Variants in PPP2R5A observed in about 807,000 individuals in gnomAD.
PPP2R5A encodes the protein protein phosphatase 2 regulatory subunit B'alpha, also known as serine/threonine-protein phosphatase 2A 56 kDa regulatory subunit alpha isoform.
A neutral mutation model predicts 64.2 loss-of-function variants in PPP2R5A; 25 were observed. That is an observed-to-expected ratio of 0.39 (90% CI 0.28 to 0.54). The LOEUF is 0.54. PPP2R5A is among the 20% of genes least tolerant of loss of function. The probability of loss-of-function intolerance (pLI) is 0.67; values close to 1 mark genes in which losing one functional copy is unlikely to be tolerated. For synonymous variants in PPP2R5A, 198 were observed against 201.2 expected, an observed-to-expected ratio of 0.98 and a Z score of 0.13; for missense variants, 425 against 576.3, an observed-to-expected ratio of 0.74 and a Z score of 2.69.
Position 212,329,299 on chromosome 1 carries a change from G to A in PPP2R5A, c.346G>A (p.Val116Ile). The stretch of plus-strand genomic sequence containing the variant: ...TGTTTCAACTAATCGTGGTGTAATT[G>A]TTGAATCAGCGTATTCTGATATAGT... ...EYVSTNRGVI[V>I]ESAYSDIVKM... Residue 116 changes from valine (V) to isoleucine (I), a missense_variant, in exon 2 of 13, where the codon GTT (valine) becomes ATT (isoleucine). Transcript: ENST00000261461. The A allele has an allele frequency of 6.2e-7, 1 of 1,606,620 alleles. No individual in the cohort carries two copies. Among genetic ancestry groups the A allele is most frequent in the Middle Eastern group, 1.7e-4 (1 of 5,960 alleles).
chr1:212,309,943 G>A (rs1038855168), intron 1 of PPP2R5A, among the ~76,000 whole-genome samples: 1 of 152,162 alleles, frequency 6.6e-6, no homozygotes, highest in African/African-American at 2.4e-5. Flanking sequence ...GCAACTCTTG[G>A]TACCAACCTT....
At chr1:212,294,343 G>T (rs1054165848) in intron 1 of PPP2R5A, among the ~76,000 whole-genome samples, 3 of 152,092 alleles carry the variant, frequency 2.0e-5, no homozygotes, top group African/African-American at 7.2e-5. Flanking sequence ...TAGCAAAACT[G>T]GGTAGATTTT....
intron 1 of PPP2R5A, among the ~76,000 whole-genome samples, chr1:212,311,677 G>A (rs1172346929): frequency 6.6e-6 from 1 of 152,090 alleles, no homozygotes; most frequent in African/African-American, 2.4e-5. Context: ...ATGAGACAGT[G>A]ACGTAGATGA....
chr1:212,323,832 G>A (rs1659358301), intron 1 of PPP2R5A, among the ~76,000 whole-genome samples: 1 of 152,252 alleles, frequency 6.6e-6, no homozygotes, highest in South Asian at 2.1e-4. Context: ...CCAGCACTTT[G>A]GGAGGCCGAG....
At chr1:212,320,191 T>C (rs1659244024) in intron 1 of PPP2R5A, among the ~76,000 whole-genome samples, 1 of 152,010 alleles carries the variant, frequency 6.6e-6, no homozygotes, top group Admixed American at 6.6e-5. Flanking sequence ...ACAAATCACA[T>C]CTTGCACCAC....
chr1:212,345,711 A>G, intron 4 of PPP2R5A, 92 bp from the exon 5 acceptor site: 1 of 1,395,944 alleles, frequency 7.2e-7, no homozygotes, highest in Non-Finnish European at 9.7e-7. Context: ...AAAATTTTTA[A>G]AAGATGTCAT....
chr1:212,345,512 G>C (rs1325566718), intron 4 of PPP2R5A, among the ~76,000 whole-genome samples: 1 of 152,100 alleles, frequency 6.6e-6, no homozygotes, highest in Non-Finnish European at 1.5e-5. Flanking sequence ...AGCCTCTTTA[G>C]TATTCAAGAG....
intron 1 of PPP2R5A, among the ~76,000 whole-genome samples, chr1:212,289,858 T>A (rs1658569677): frequency 6.6e-6 from 1 of 152,220 alleles, no homozygotes; most frequent in Non-Finnish European, 1.5e-5. Context: ...CAGATATGAT[T>A]TATGTGATCT....
At chr1:212,324,344 A>G (rs1659369688) in intron 1 of PPP2R5A, among the ~76,000 whole-genome samples, 1 of 152,190 alleles carries the variant, frequency 6.6e-6, no homozygotes, top group South Asian at 2.1e-4. Flanking sequence ...ATAGGTTTAT[A>G]TGGGACCACC....
chr1:212,352,484 A>G (rs1422190690), intron 8 of PPP2R5A, among the ~76,000 whole-genome samples: 1 of 150,572 alleles, frequency 6.6e-6, no homozygotes, highest in Non-Finnish European at 1.5e-5. Flanking sequence ...GGATCTCACC[A>G]CATCACCCAG....
rs1050114287 is a variant in PPP2R5A, at chr1:212,361,321, C to A, written c.*551C>A. 2.6e-5 allele frequency: 4 copies of A among 152,574 alleles called. No homozygotes were observed. The highest frequency in any genetic ancestry group is 9.7e-5 in the African/African-American group (4 of 41,426). 9.5% of individuals were successfully genotyped at this position (152,574 alleles called of 1,614,324 possible). A position where few individuals can be genotyped will look rare whatever the true frequency, so the allele number is the denominator to read the frequency against. On this transcript the variant is annotated 3_prime_UTR_variant, in exon 13 of 13. Coordinates refer to ENST00000261461, the MANE Select transcript of PPP2R5A (RefSeq NM_006243.4). Reference sequence around the variant, plus strand: ...ACTGTACTCTGGAATTTAGGCAAAACCTTAAATCTCCAGGCTTTTTAAAGC... The same window carrying A: ...ACTGTACTCTGGAATTTAGGCAAAAACTTAAATCTCCAGGCTTTTTAAAGC...
At chr1:212,297,069 C>T (rs953539971) in intron 1 of PPP2R5A, among the ~76,000 whole-genome samples, 4 of 143,034 alleles carry the variant, frequency 2.8e-5, no homozygotes, top group African/African-American at 7.7e-5. Flanking sequence ...AAGAGAAATA[C>T]GTTTCTTTTC....
chr1:212,328,664 G>C (rs1659448742), intron 1 of PPP2R5A, among the ~76,000 whole-genome samples: 1 of 152,196 alleles, frequency 6.6e-6, no homozygotes, highest in Admixed American at 6.5e-5. Context: ...GAGTGGTAAT[G>C]GTTATGGGAC....
chr1:212,296,685 C>G (rs17042040), intron 1 of PPP2R5A, among the ~76,000 whole-genome samples: 17,727 of 152,162 alleles, frequency 0.12, 2,615 homozygotes, highest in African/African-American at 0.35. Context: ...AGACCCAAGA[C>G]CATATTTTCC....
intron 12 of PPP2R5A, among the ~76,000 whole-genome samples, chr1:212,359,432 T>A (rs1346137267): frequency 6.6e-6 from 1 of 152,228 alleles, no homozygotes; most frequent in East Asian, 1.9e-4. Context: ...TGTTAGCACG[T>A]ATCAGCCTTT....
intron 3 of PPP2R5A, among the ~76,000 whole-genome samples, chr1:212,341,492 T>C (rs1346600193): frequency 1.3e-5 from 2 of 152,184 alleles, no homozygotes; most frequent in Non-Finnish European, 2.9e-5. Context: ...TAAGAAACTC[T>C]GTAGTGATTA....
At chr1:212,356,075 A>C (rs1408058819) in intron 8 of PPP2R5A, among the ~76,000 whole-genome samples, 1 of 152,148 alleles carries the variant, frequency 6.6e-6, no homozygotes, top group East Asian at 1.9e-4. Context: ...AAATAAATAA[A>C]TAAATAAAAA....
chr1:212,306,964 C>T (rs1658926495), intron 1 of PPP2R5A: 1 of 151,866 alleles, frequency 6.6e-6, no homozygotes, highest in Admixed American at 6.6e-5. Context: ...GTTTCACCAT[C>T]TTGGCCAGGC....
intron 2 of PPP2R5A, among the ~76,000 whole-genome samples, chr1:212,331,274 C>A (rs1489495482): frequency 6.6e-6 from 1 of 151,828 alleles, no homozygotes; most frequent in African/African-American, 2.4e-5. Context: ...TGTCCTCCTG[C>A]CTAAGCCTCC....
Sources: allele counts gnomAD v4.1 joint callset (sites outside exome capture counted in the v4.1 genomes callset), GRCh38; gene constraint gnomAD v4.1.1; transcripts MANE v1.5; gene names NCBI Gene and HGNC (gene_info 2026-07-23, HGNC 2026-07-21).